CDH20: variants seen among roughly 807,000 people sequenced by gnomAD.
The protein encoded by CDH20 is cadherin 20.
In CDH20, 29 loss-of-function variants were observed where a neutral mutation model predicts 74.2. The ratio of observed to expected loss-of-function variants is 0.39; its 90% CI spans 0.29 to 0.53. CDH20 has a LOEUF of 0.53. CDH20 is among the 20% of genes least tolerant of loss of function. The probability of loss-of-function intolerance (pLI) is 0.69; values close to 1 mark genes in which losing one functional copy is unlikely to be tolerated. For synonymous variants in CDH20, 469 were observed against 405.4 expected, an observed-to-expected ratio of 1.16 and a Z score of -1.88; for missense variants, 988 against 1,048.3, an observed-to-expected ratio of 0.94 and a Z score of 0.79.
chr18:61,517,054 CA>C (rs747822717), intron 6 of CDH20, among the ~76,000 whole-genome samples: 41 of 151,020 alleles, frequency 2.7e-4, no homozygotes, highest in African/African-American at 9.5e-4. Context: ...ATACCATTTG[CA>C]AAAAAAATAA....
chr18:61,518,124 G>C (rs1227055157), intron 6 of CDH20, among the ~76,000 whole-genome samples: 1 of 152,132 alleles, frequency 6.6e-6, no homozygotes, highest in East Asian at 1.9e-4. Context: ...CCCCAGTCAG[G>C]GGCTTATAGA....
intron 10 of CDH20, among the ~76,000 whole-genome samples, chr18:61,548,648 AT>A (rs1247812574): frequency 6.6e-6 from 1 of 152,246 alleles, no homozygotes; most frequent in Non-Finnish European, 1.5e-5. Context: ...ACTACAGTTA[AT>A]TTCTTGCTCA....
chr18:61,337,281 C>G lies in CDH20; in HGVS notation c.-153+3454C>G, dbSNP rs577402452. Among the ~76,000 whole-genome samples the G allele has an allele frequency of 3.9e-5, 6 of 152,236 alleles. No homozygotes were observed. The South Asian group carries it at 1.2e-3, about 32-fold the overall frequency. ...CACTTTTTATTCCCTCCACATTCTA[C>G]TTCGGATATGGGGAAAATTTCTTGC... is the stretch of plus-strand genomic sequence containing the variant. On this transcript the variant is annotated intron_variant, in intron 1 of 11. Transcript: ENST00000262717.
intron 7 of CDH20, among the ~76,000 whole-genome samples, chr18:61,528,505 C>G (rs1324610640): frequency 6.8e-6 from 1 of 147,498 alleles, no homozygotes; most frequent in Admixed American, 6.8e-5. Flanking sequence ...AATCATGGTC[C>G]TGTTGACATT....
rs1001418006 is a variant in CDH20, at chr18:61,340,432, T to G, written c.-153+6605T>G. Among the ~76,000 whole-genome samples, 42 of 152,070 alleles carry G rather than the reference T, an allele frequency of 2.8e-4. 1 individual carries two copies. The highest frequency in any genetic ancestry group is 2.7e-3 in the Admixed American group (41 of 15,268). ...ATTAGAGTTAAGGTTGTGGGCAAAA[T>G]AGCATGGAAAGAGGTACAGGAAAGT... On this transcript the variant is annotated intron_variant, in intron 1 of 11. Transcript: ENST00000262717.
intron 1 of CDH20, among the ~76,000 whole-genome samples, chr18:61,408,100 A>G (rs1470642639): frequency 6.6e-5 from 10 of 152,208 alleles, no homozygotes; most frequent in Non-Finnish European, 1.3e-4. Flanking sequence ...AAAAAATTTA[A>G]AAGCGAAAGA....
intron 1 of CDH20, among the ~76,000 whole-genome samples, chr18:61,414,934 C>T (rs749029506): frequency 2.0e-5 from 3 of 151,988 alleles, no homozygotes; most frequent in Non-Finnish European, 4.4e-5. Flanking sequence ...TCCAGAACTT[C>T]GTATTTCCAA....
intron 1 of CDH20, among the ~76,000 whole-genome samples, chr18:61,440,651 G>T (rs1470976547): frequency 1.3e-5 from 2 of 152,216 alleles, no homozygotes; most frequent in Non-Finnish European, 2.9e-5. Context: ...GCCAGGAACA[G>T]TTTCTGGTCT....
chr18:61,362,518 G>T (rs1408275544), intron 1 of CDH20, among the ~76,000 whole-genome samples: 1 of 152,140 alleles, frequency 6.6e-6, no homozygotes, highest in Admixed American at 6.5e-5. Flanking sequence ...CCTGCAGCTT[G>T]CATTTTAGTG....
intron 1 of CDH20, among the ~76,000 whole-genome samples, chr18:61,469,885 T>C (rs1910103944): frequency 6.6e-6 from 1 of 152,168 alleles, no homozygotes; most frequent in African/African-American, 2.4e-5. Flanking sequence ...ACTATATCAA[T>C]GATTCATAGA....
intron 1 of CDH20, among the ~76,000 whole-genome samples, chr18:61,429,063 T>C (rs1264066640): frequency 6.6e-6 from 1 of 152,186 alleles, no homozygotes; most frequent in Admixed American, 6.5e-5. Flanking sequence ...GAGCGTTATG[T>C]AGGAATTTCT....
At chr18:61,490,853 GA>G (rs1364114550) in intron 2 of CDH20, 54 bp downstream of exon 2, 1 of 1,585,546 alleles carries the variant, frequency 6.3e-7, no homozygotes. Flanking sequence ...AATTGAATAT[GA>G]ATTGAGTATC....
chr18:61,417,231 G>T (rs1912713848), intron 1 of CDH20, among the ~76,000 whole-genome samples: 1 of 152,078 alleles, frequency 6.6e-6, no homozygotes, highest in African/African-American at 2.4e-5. Flanking sequence ...TGAGGATAAA[G>T]AGTAATAAAA....
chr18:61,393,518 G>A (rs1911862144), intron 1 of CDH20, among the ~76,000 whole-genome samples: 1 of 152,192 alleles, frequency 6.6e-6, no homozygotes, highest in Non-Finnish European at 1.5e-5. Flanking sequence ...GTGGTTCAAG[G>A]TGGCTAATGG....
intron 1 of CDH20, among the ~76,000 whole-genome samples, chr18:61,388,698 C>A (rs1420010023): frequency 6.6e-6 from 1 of 152,084 alleles, no homozygotes; most frequent in Non-Finnish European, 1.5e-5. Flanking sequence ...TTATGACATG[C>A]GTGTGGATGC....
intron 1 of CDH20, among the ~76,000 whole-genome samples, chr18:61,461,513 T>C (rs1909773633): frequency 6.6e-6 from 1 of 152,068 alleles, no homozygotes; most frequent in Non-Finnish European, 1.5e-5. Context: ...CCAAACCCTG[T>C]CTCTCCCATC....
chr18:61,442,913 G>GA (rs34447458), intron 1 of CDH20, among the ~76,000 whole-genome samples: 14,389 of 149,678 alleles, frequency 0.096, 817 homozygotes, highest in South Asian at 0.16. Flanking sequence ...CCGGGATCCT[G>GA]AAAAAAAAAA....
At chr18:61,433,666 T>A (rs1020594347) in intron 1 of CDH20, among the ~76,000 whole-genome samples, 3 of 152,146 alleles carry the variant, frequency 2.0e-5, no homozygotes, top group East Asian at 1.9e-4. Flanking sequence ...CAAGGAACAA[T>A]CTAAGCTGAA....
At chr18:61,437,930 A>G (rs1876075450) in intron 1 of CDH20, among the ~76,000 whole-genome samples, 1 of 152,178 alleles carries the variant, frequency 6.6e-6, no homozygotes, top group South Asian at 2.1e-4. Flanking sequence ...TCGAAGTGGA[A>G]TTGCCTAAAT....
Sources: allele counts gnomAD v4.1 joint callset (sites outside exome capture counted in the v4.1 genomes callset), GRCh38; gene constraint gnomAD v4.1.1; transcripts MANE v1.5; gene names NCBI Gene and HGNC (gene_info 2026-07-23, HGNC 2026-07-21).